Variants in ITGAV observed in about 807,000 individuals in gnomAD.
ITGAV encodes the protein integrin subunit alpha V.
In ITGAV, 76 loss-of-function variants were observed where a neutral mutation model predicts 143.8. The ratio of observed to expected loss-of-function variants is 0.53; its 90% CI spans 0.44 to 0.64. The LOEUF is 0.64. Ranked by LOEUF, ITGAV falls within the 30% of genes least tolerant of loss-of-function variation. ITGAV has a pLI of 0.00. For synonymous variants in ITGAV, 453 were observed against 446.7 expected (o/e 1.01, Z -0.18); for missense variants, 1,193 against 1,274.7 (o/e 0.94, Z 0.98).
intron 8 of ITGAV, 152 bp from the exon 9 acceptor site, chr2:186,638,125 G>A: frequency 1.5e-6 from 1 of 654,622 alleles, no homozygotes; most frequent in Non-Finnish European, 2.7e-6. Context: ...AAAATGCTGG[G>A]CTATTTATTA....
intron 12 of ITGAV, among the ~76,000 whole-genome samples, chr2:186,645,211 G>A (rs183918758): frequency 1.3e-5 from 2 of 152,272 alleles, no homozygotes; most frequent in African/African-American, 4.8e-5. Flanking sequence ...AGAGAAAGTA[G>A]GGGGTCGAGA....
At chr2:186,590,574 A>T in intron 1 of ITGAV, 51 bp downstream of exon 1, 1 of 1,523,196 alleles carries the variant, frequency 6.6e-7, no homozygotes, top group Non-Finnish European at 8.9e-7. Flanking sequence ...CACCGCGCGC[A>T]CCCACCCAGC....
chr2:186,634,542 A>G (rs1687902273), intron 6 of ITGAV, among the ~76,000 whole-genome samples: 1 of 152,172 alleles, frequency 6.6e-6, no homozygotes, highest in Admixed American at 6.6e-5. Flanking sequence ...AAGGAGAATA[A>G]GAAGAAAAGA....
At chr2:186,625,256 G>A (rs190277990) in intron 3 of ITGAV, among the ~76,000 whole-genome samples, 1 of 152,098 alleles carries the variant, frequency 6.6e-6, no homozygotes, top group Non-Finnish European at 1.5e-5. Context: ...TGCGCATGTG[G>A]TGCCAGCTAC....
chr2:186,595,493 GCTCT>G (rs769360534), intron 1 of ITGAV, among the ~76,000 whole-genome samples: 157 of 151,966 alleles, frequency 1.0e-3, no homozygotes, highest in Middle Eastern at 3.4e-3. Flanking sequence ...CCTCTGTATC[GCTCT>G]CTCTTTTTTC....
At chr2:186,657,235 AC>A (rs1688615898) in intron 17 of ITGAV, among the ~76,000 whole-genome samples, 1 of 152,200 alleles carries the variant, frequency 6.6e-6, no homozygotes, top group Non-Finnish European at 1.5e-5. Context: ...AAAGGAAAAA[AC>A]AAAACAAGAC....
intron 1 of ITGAV, among the ~76,000 whole-genome samples, chr2:186,601,168 G>C (rs996742672): frequency 6.6e-6 from 1 of 152,022 alleles, no homozygotes; most frequent in Non-Finnish European, 1.5e-5. Context: ...CAAAGAAATT[G>C]AATAGTGGTC....
At chr2:186,601,939 G>T in intron 1 of ITGAV, 82 bp from the exon 2 acceptor site, 1 of 1,352,988 alleles carries the variant, frequency 7.4e-7, no homozygotes, top group Non-Finnish European at 1.0e-6. Context: ...AATATCAAGA[G>T]AATGATTGCT....
chr2:186,597,833 T>A (rs930989089), intron 1 of ITGAV, among the ~76,000 whole-genome samples: 1 of 152,184 alleles, frequency 6.6e-6, no homozygotes, highest in African/African-American at 2.4e-5. Flanking sequence ...CTAGGTTACA[T>A]GCTTCTTATG....
rs149953343 is a variant in ITGAV, at chr2:186,652,088, T to C, written c.1504T>C (p.Cys502Arg). 5 of 1,555,746 alleles carry C rather than the reference T, an allele frequency of 3.2e-6. No individual in the cohort carries two copies. The highest frequency in any genetic ancestry group is 2.7e-6 in the Non-Finnish European group (3 of 1,127,736). ...SLPGTALKVS[C>R]FNVRFCLKAD... ...GCCTGGAACAGCTCTCAAAGTTTCC[T>C]GGTAAGGGTATTTGTTTAATAATAG... Residue 502 changes from cysteine (C) to arginine (R), a missense_variant and splice_region_variant, in exon 15 of 30, where the codon TGT (cysteine) becomes CGT (arginine). Coordinates refer to ENST00000261023, the MANE Select transcript of ITGAV (RefSeq NM_002210.5).
intron 3 of ITGAV, among the ~76,000 whole-genome samples, chr2:186,624,505 C>T (rs756095744): frequency 2.6e-5 from 4 of 152,060 alleles, no homozygotes; most frequent in East Asian, 1.9e-4. Flanking sequence ...GCGTCAAGTA[C>T]GTGTAGAGAA....
intron 15 of ITGAV, 150 bp downstream of exon 15, chr2:186,652,239 A>C (rs1688455255): frequency 1.6e-6 from 1 of 615,498 alleles, no homozygotes; most frequent in Non-Finnish European, 2.9e-6. Context: ...ATTTGAAGCA[A>C]GGTCTGCCTC....
At chr2:186,631,290 A>G (rs1559050383) in intron 5 of ITGAV, among the ~76,000 whole-genome samples, 1 of 152,210 alleles carries the variant, frequency 6.6e-6, no homozygotes, top group Non-Finnish European at 1.5e-5. Flanking sequence ...GCCATCTATT[A>G]TGTGCCTATA....
intron 10 of ITGAV, among the ~76,000 whole-genome samples, 196 bp from the exon 11 acceptor site, chr2:186,640,710 TATTGTGTCC>T (rs1688077825): frequency 6.6e-6 from 1 of 152,216 alleles, no homozygotes; most frequent in Non-Finnish European, 1.5e-5. Context: ...ACATGTAATA[TATTGTGTCC>T]ATGATCTAGG....
At position 186,627,159 on chromosome 2, in the gene ITGAV, T is replaced by C. The variant is rs149195935; in HGVS notation, c.523+1572T>C. 5.6e-3 allele frequency among the ~76,000 whole-genome samples: 857 copies of C among 152,134 alleles called. 8 individuals carry two copies. Among genetic ancestry groups the C allele is most frequent in the African/African-American group, 0.018 (764 of 41,488 alleles). ...TGGGGATATTCTAGGCAGAAAGAGG[T>C]GCAAGAAAGCAGGAGTAAGCAAAAG... On this transcript the variant is annotated intron_variant, in intron 4 of 29. Coordinates refer to ENST00000261023, the MANE Select transcript of ITGAV (RefSeq NM_002210.5).
chr2:186,629,236 T>C (rs1687755814), intron 4 of ITGAV, among the ~76,000 whole-genome samples: 2 of 152,058 alleles, frequency 1.3e-5, no homozygotes, highest in African/African-American at 4.8e-5. Flanking sequence ...AGTCTTTAAA[T>C]TGGCAAAAGC....
intron 2 of ITGAV, among the ~76,000 whole-genome samples, chr2:186,616,657 C>G (rs553013064): frequency 6.6e-6 from 1 of 152,260 alleles, no homozygotes; most frequent in South Asian, 2.1e-4. Context: ...AAATCATTTT[C>G]TCTCAAATTT....
intron 2 of ITGAV, among the ~76,000 whole-genome samples, chr2:186,616,097 A>G (rs1687349414): frequency 6.6e-6 from 1 of 152,056 alleles, no homozygotes; most frequent in African/African-American, 2.4e-5. Flanking sequence ...TTTGTCAAAA[A>G]TCAGTTGACT....
In ITGAV at chr2:186,646,677, TC is replaced by T; in HGVS notation, c.1160-5del. ...ATTCTCCTTCCCCCTCCTCTTTTTT[TC>T]CCCACAGATATTGCAATTGCTGCTC... On this transcript the variant is annotated splice_polypyrimidine_tract_variant and splice_region_variant and intron_variant, in intron 12 of 29. Coordinates refer to ENST00000261023, the MANE Select transcript of ITGAV (RefSeq NM_002210.5). 6.4e-7 allele frequency: 1 copy of T among 1,555,638 alleles called. No homozygotes were observed. Among genetic ancestry groups the T allele is most frequent in the Non-Finnish European group, 8.8e-7 (1 of 1,140,982 alleles).
Sources: allele counts gnomAD v4.1 joint callset (sites outside exome capture counted in the v4.1 genomes callset), GRCh38; gene constraint gnomAD v4.1.1; transcripts MANE v1.5; gene names NCBI Gene and HGNC (gene_info 2026-07-23, HGNC 2026-07-21).